SGCZ: variants seen among roughly 807,000 people sequenced by gnomAD.
SGCZ encodes the protein zeta-sarcoglycan.
SGCZ carries 40 observed loss-of-function variants against 41.3 expected under a neutral mutation model. The observed-to-expected ratio is 0.97, with a 90% CI of 0.75 to 1.26. The LOEUF is 1.26. Among genes scored for constraint, SGCZ ranks in the 50% most tolerant of loss-of-function variants. SGCZ has a pLI of 0.00. For synonymous variants in SGCZ, 206 were observed against 137.5 expected (o/e 1.50, Z -3.49); for missense variants, 552 against 369.8 (o/e 1.49, Z -4.04).
At chr8:14,271,371 T>A (rs938957128) in intron 3 of SGCZ, among the ~76,000 whole-genome samples, 51 of 152,220 alleles carry the variant, frequency 3.4e-4, no homozygotes, top group African/African-American at 9.9e-4. Flanking sequence ...ATATGAATTG[T>A]TAAATGTGAG....
intron 1 of SGCZ, among the ~76,000 whole-genome samples, chr8:14,806,583 T>C (rs1801538163): frequency 6.6e-6 from 1 of 152,182 alleles, no homozygotes; most frequent in South Asian, 2.1e-4. Context: ...AATGTGGCAA[T>C]AATCAATAGC....
chr8:14,296,707 T>C (rs1341203834), intron 3 of SGCZ, among the ~76,000 whole-genome samples: 2 of 151,998 alleles, frequency 1.3e-5, no homozygotes, highest in African/African-American at 2.4e-5. Flanking sequence ...CAAATAAATA[T>C]AGCCAAAAAC....
chr8:14,335,959 GGTTT>G (rs1802491977), intron 2 of SGCZ, among the ~76,000 whole-genome samples: 2 of 152,020 alleles, frequency 1.3e-5, no homozygotes, highest in Non-Finnish European at 2.9e-5. Context: ...TACATCTGCA[GGTTT>G]GTTATATAAA....
intron 1 of SGCZ, among the ~76,000 whole-genome samples, chr8:14,599,931 A>T (rs1037137710): frequency 6.6e-6 from 1 of 152,190 alleles, no homozygotes; most frequent in African/African-American, 2.4e-5. Context: ...AGGAAATAAA[A>T]ATAAAATAAA....
chr8:14,353,341 C>G (rs181108647), intron 2 of SGCZ, among the ~76,000 whole-genome samples: 1 of 152,128 alleles, frequency 6.6e-6, no homozygotes, highest in Admixed American at 6.6e-5. Context: ...TTCCTTGGCC[C>G]TCTTCTCTAT....
intron 1 of SGCZ, among the ~76,000 whole-genome samples, chr8:14,657,065 T>C (rs181979145): frequency 3.1e-4 from 47 of 152,216 alleles, no homozygotes; most frequent in African/African-American, 1.1e-3. Context: ...CTATTGTGCG[T>C]CACTCATTTA....
chr8:14,201,446 T>A (rs938501542), intron 4 of SGCZ, among the ~76,000 whole-genome samples: 63 of 152,214 alleles, frequency 4.1e-4, no homozygotes, highest in African/African-American at 1.4e-3. Flanking sequence ...TCCTTAGTAA[T>A]AAAAAGGAAC....
At chr8:14,372,297 T>C (rs1803942033) in intron 2 of SGCZ, among the ~76,000 whole-genome samples, 5 of 152,140 alleles carry the variant, frequency 3.3e-5, no homozygotes, top group Admixed American at 1.3e-4. Context: ...TTATGGAGAA[T>C]GTGTATACCC....
chr8:15,013,129 C>G (rs1283137086), intron 1 of SGCZ, among the ~76,000 whole-genome samples: 1 of 152,080 alleles, frequency 6.6e-6, no homozygotes, highest in Non-Finnish European at 1.5e-5. Flanking sequence ...CAGGGTGACT[C>G]ATTAAGTGAA....
chr8:14,490,219 A>G (rs953887154), intron 2 of SGCZ, among the ~76,000 whole-genome samples: 2 of 152,138 alleles, frequency 1.3e-5, no homozygotes, highest in Non-Finnish European at 2.9e-5. Context: ...TGGTACAATA[A>G]TTGTATAAGA....
At chr8:14,362,925 G>A (rs1803577843) in intron 2 of SGCZ, among the ~76,000 whole-genome samples, 2 of 152,310 alleles carry the variant, frequency 1.3e-5, no homozygotes, top group South Asian at 2.1e-4. Flanking sequence ...AATATTTGGA[G>A]ATAACTAATA....
intron 1 of SGCZ, among the ~76,000 whole-genome samples, chr8:15,078,770 G>A (rs1162505773): frequency 6.6e-6 from 1 of 151,466 alleles, no homozygotes; most frequent in East Asian, 1.9e-4. Context: ...TCCACTATAT[G>A]GTCTTTGACT....
intron 1 of SGCZ, among the ~76,000 whole-genome samples, chr8:14,869,394 C>A (rs552555819): frequency 1.3e-5 from 2 of 152,288 alleles, no homozygotes; most frequent in South Asian, 4.1e-4. Context: ...AACACCGCTT[C>A]ATGCTAAAAA....
At chr8:15,166,277 T>A (rs2117052307) in intron 1 of SGCZ, among the ~76,000 whole-genome samples, 1 of 150,814 alleles carries the variant, frequency 6.6e-6, no homozygotes, top group Middle Eastern at 3.4e-3. Context: ...AGACGGAGTC[T>A]CGCTCTGTCG....
intron 1 of SGCZ, among the ~76,000 whole-genome samples, chr8:14,983,582 C>T (rs1364931193): frequency 2.0e-5 from 3 of 152,006 alleles, no homozygotes; most frequent in South Asian, 2.1e-4. Flanking sequence ...CAGCCTCAAA[C>T]GCTCCTCCTA....
chr8:14,101,825 G>T (rs1189629156), intron 7 of SGCZ, among the ~76,000 whole-genome samples: 2 of 151,358 alleles, frequency 1.3e-5, no homozygotes, highest in African/African-American at 4.8e-5. Flanking sequence ...ATATGCATAT[G>T]GTTCCAGGGG....
chr8:14,393,080 G>A (rs1435936582), intron 2 of SGCZ, among the ~76,000 whole-genome samples: 1 of 152,110 alleles, frequency 6.6e-6, no homozygotes, highest in East Asian at 1.9e-4. Context: ...GTATAAAGAA[G>A]TGCCTATGAA....
At chr8:14,457,769 C>G (rs988066999) in intron 2 of SGCZ, among the ~76,000 whole-genome samples, 1 of 152,220 alleles carries the variant, frequency 6.6e-6, no homozygotes, top group Non-Finnish European at 1.5e-5. Context: ...ACACGTGACC[C>G]ACGTGACCTT....
At chr8:14,410,127 C>A (rs947249076) in intron 2 of SGCZ, among the ~76,000 whole-genome samples, 3 of 152,038 alleles carry the variant, frequency 2.0e-5, no homozygotes, top group Non-Finnish European at 4.4e-5. Context: ...TTGTGAACTG[C>A]GCATGCTAGG....
Sources: allele counts gnomAD v4.1 joint callset (sites outside exome capture counted in the v4.1 genomes callset), GRCh38; gene constraint gnomAD v4.1.1; transcripts MANE v1.5; gene names NCBI Gene and HGNC (gene_info 2026-07-23, HGNC 2026-07-21).